GALNTL5: variants seen among roughly 807,000 people sequenced by gnomAD.
The protein encoded by GALNTL5 is inactive polypeptide N-acetylgalactosaminyltransferase-like protein 5.
Under a neutral mutation model 51.0 loss-of-function variants are expected in GALNTL5, and 44 were observed. That is an observed-to-expected ratio of 0.86 (90% CI 0.68 to 1.11). GALNTL5 has a LOEUF of 1.11. Among genes scored for constraint, GALNTL5 ranks in the 50% least tolerant of loss-of-function variants. The pLI is 0.00. For synonymous variants in GALNTL5, 192 were observed against 182.8 expected, an observed-to-expected ratio of 1.05 and a Z score of -0.41; for missense variants, 528 against 531.8, an observed-to-expected ratio of 0.99 and a Z score of 0.07.
chr7:151,976,973 T>G (rs924808103), intron 3 of GALNTL5, among the ~76,000 whole-genome samples: 1 of 152,170 alleles, frequency 6.6e-6, no homozygotes, highest in Non-Finnish European at 1.5e-5. Flanking sequence ...TGGCCTATTA[T>G]TTTTAATTAA....
At chr7:151,966,586 A>G (rs546389901) in intron 1 of GALNTL5, among the ~76,000 whole-genome samples, 1 of 152,350 alleles carries the variant, frequency 6.6e-6, no homozygotes, top group South Asian at 2.1e-4. Context: ...AGTTTTCACT[A>G]TGACAAACAT....
intron 1 of GALNTL5, among the ~76,000 whole-genome samples, chr7:151,961,481 G>C (rs532375888): frequency 3.3e-5 from 5 of 151,584 alleles, no homozygotes; most frequent in African/African-American, 1.2e-4. Context: ...ACTGCACTCC[G>C]GCCTGGGTGA....
intron 2 of GALNTL5, among the ~76,000 whole-genome samples, chr7:151,970,148 T>TG (rs541377168): frequency 8.5e-5 from 8 of 94,026 alleles, no homozygotes; most frequent in Admixed American, 1.1e-4. Flanking sequence ...AGGGGGTAGT[T>TG]GGGGGGGCCC....
chr7:151,991,599 T>C, intron 5 of GALNTL5, among the ~76,000 whole-genome samples: 1 of 152,238 alleles, frequency 6.6e-6, no homozygotes, highest in Non-Finnish European at 1.5e-5. Flanking sequence ...TATCATTTTA[T>C]CAAATGTCTA....
chr7:151,968,472 C>T (rs2081087408), intron 2 of GALNTL5, among the ~76,000 whole-genome samples: 1 of 152,158 alleles, frequency 6.6e-6, no homozygotes, highest in African/African-American at 2.4e-5. Context: ...AGGTGTGGGC[C>T]TGAAACCCTA....
At position 151,995,347 on chromosome 7, in the gene GALNTL5, AATTTTTTTT is replaced by A. The variant is rs2081484363; in HGVS notation, c.659-7366_659-7358del. 2.7e-4 allele frequency: 25 copies of A among 91,052 alleles called. 2 individuals carry two copies. Among genetic ancestry groups the A allele is most frequent in the South Asian group, 4.3e-4 (1 of 2,328 alleles). The allele number at this position is 91,052 out of a possible 1,614,324, so 5.6% of individuals were successfully genotyped here. On this transcript the variant is annotated intron_variant, in intron 5 of 8. Coordinates refer to ENST00000392800, the MANE Select transcript of GALNTL5 (RefSeq NM_145292.4). ...AAGAAATCTACGATCAGTTGGTATG[AATTTTTTTT>A]TTTTTTTTTTTTTTTTTTTTTTTTT... is the stretch of plus-strand genomic sequence containing the variant.
chr7:151,998,795 A>AG (rs1563019423), intron 5 of GALNTL5, among the ~76,000 whole-genome samples: 1 of 150,886 alleles, frequency 6.6e-6, no homozygotes, highest in East Asian at 2.0e-4. Context: ...AAAAAACAAA[A>AG]CTACTCCGAT....
At chr7:151,989,979 C>T (rs979862534) in intron 5 of GALNTL5, among the ~76,000 whole-genome samples, 1 of 152,132 alleles carries the variant, frequency 6.6e-6, no homozygotes, top group Admixed American at 6.6e-5. Context: ...CTGAGAATAT[C>T]GGTCCTCAGG....
At chr7:151,975,680 G>A (rs1353102845) in intron 3 of GALNTL5, among the ~76,000 whole-genome samples, 1 of 151,816 alleles carries the variant, frequency 6.6e-6, no homozygotes, top group African/African-American at 2.4e-5. Context: ...ACTTTCTTCT[G>A]CTTTGATATA....
At chr7:151,970,155 G>GA (rs112582303) in intron 2 of GALNTL5, among the ~76,000 whole-genome samples, 63,741 of 143,674 alleles carry the variant, frequency 0.44, 14,422 homozygotes, top group East Asian at 0.61. Context: ...AGTTGGGGGG[G>GA]CCCCCACCAA....
chr7:152,019,793 A>G lies in GALNTL5; in HGVS notation c.1324A>G (p.Ser442Gly). ...CCCAGAGTTGGAGGCATCTGTGAAC[A>G]GCCTGTGAAAGGAAAACAAATCACT... is the stretch of plus-strand genomic sequence containing the variant. The part of the protein sequence containing the change: ...VFPELEASVN[S>G]L The change falls in exon 9 of 9, where the codon AGC (serine) becomes GGC (glycine). Residue 442 changes from serine to glycine, a missense_variant. By Grantham distance (56) the Ser-to-Gly change is moderately conservative. Transcript: ENST00000392800. 1.2e-6 allele frequency: 2 copies of G among 1,607,196 alleles called. No individual in the cohort carries two copies. The highest frequency in any genetic ancestry group is 1.7e-6 in the Non-Finnish European group (2 of 1,176,358).
At position 151,971,407 on chromosome 7, in the gene GALNTL5, C is replaced by A. The variant is rs537645925; in HGVS notation, c.368+342C>A. Among the ~76,000 whole-genome samples, 5 of 152,248 alleles carry A rather than the reference C, an allele frequency of 3.3e-5. No homozygotes were observed. The East Asian group carries it at 9.6e-4, about 29-fold the overall frequency. ...TGATAGAAAATGCTCTGGACAGCTA[C>A]TTTTTATTCCCCAAAATTTACTTTT... On this transcript the variant is annotated intron_variant, in intron 3 of 8. Transcript: ENST00000392800.
At chr7:151,964,775 G>C (rs1382627303) in intron 1 of GALNTL5, among the ~76,000 whole-genome samples, 1 of 152,188 alleles carries the variant, frequency 6.6e-6, no homozygotes, top group Non-Finnish European at 1.5e-5. Flanking sequence ...GCTGTCTTCA[G>C]GGGGACGACC....
intron 5 of GALNTL5, among the ~76,000 whole-genome samples, chr7:151,996,608 G>T (rs1171385413): frequency 2.6e-5 from 4 of 152,170 alleles, no homozygotes; most frequent in African/African-American, 7.2e-5. Context: ...AATAAGCTAG[G>T]CGTGGTGGCC....
At chr7:152,007,413 CTTT>C (rs34271081) in intron 6 of GALNTL5, among the ~76,000 whole-genome samples, 27,346 of 107,364 alleles carry the variant, frequency 0.25, 1,642 homozygotes, top group Non-Finnish European at 0.33. Context: ...AATGTTTTCT[CTTT>C]TTTTTTTTTT....
intron 5 of GALNTL5, among the ~76,000 whole-genome samples, chr7:151,989,608 T>G (rs2081401817): frequency 6.6e-6 from 1 of 152,222 alleles, no homozygotes; most frequent in Admixed American, 6.5e-5. Context: ...TTCCTAAAAG[T>G]GGAATTGCTG....
intron 2 of GALNTL5, 51 bp from the exon 3 acceptor site, chr7:151,970,894 T>A (rs1315467540): frequency 4.1e-6 from 6 of 1,469,286 alleles, no homozygotes; most frequent in Non-Finnish European, 5.5e-6. Flanking sequence ...CTTTCCTGCA[T>A]CACTGCTAGT....
chr7:151,978,490 A>G (rs4725439), intron 3 of GALNTL5, among the ~76,000 whole-genome samples: 62,560 of 151,742 alleles, frequency 0.41, 13,078 homozygotes, highest in Middle Eastern at 0.49. Flanking sequence ...TCAGGCCCCT[A>G]CCCAAATCTC....
chr7:151,963,061 A>G (rs1457663548), intron 1 of GALNTL5, among the ~76,000 whole-genome samples: 1 of 152,246 alleles, frequency 6.6e-6, no homozygotes, highest in East Asian at 1.9e-4. Context: ...AATTTTGACT[A>G]GATCAAGAAT....
Sources: gnomAD v4.1 joint callset for allele counts (sites outside exome capture counted in the v4.1 genomes callset) on GRCh38, gnomAD v4.1.1 for gene constraint, MANE v1.5 for transcripts, NCBI Gene and HGNC (gene_info 2026-07-23, HGNC 2026-07-21) for gene names.